CCNY: variants seen among roughly 807,000 people sequenced by gnomAD.
The protein encoded by CCNY is cyclin-Y.
CCNY carries 19 observed loss-of-function variants against 42.8 expected under a neutral mutation model. The observed-to-expected ratio is 0.44, with a 90% CI of 0.31 to 0.65. The LOEUF (loss-of-function observed/expected upper bound fraction) is 0.65. Ranked by LOEUF, CCNY falls within the 30% of genes least tolerant of loss-of-function variation. The probability of loss-of-function intolerance (pLI) is 0.07; values close to 1 mark genes in which losing one functional copy is unlikely to be tolerated. For synonymous variants in CCNY, 165 were observed against 162.7 expected (o/e 1.01, Z -0.11); for missense variants, 370 against 437.3 (o/e 0.85, Z 1.37).
In CCNY at chr10:35,391,759, G is replaced by T. The variant is rs80029511; in HGVS notation, c.154+54552G>T. On this transcript the variant is annotated intron_variant, in intron 1 of 9. Coordinates refer to ENST00000374704, the MANE Select transcript of CCNY (RefSeq NM_145012.6). ...GAGCCTGGGATCAAGCAGGTTCTCA[G>T]TCAGTGGTAGACATAACTGTCACTT... is the stretch of plus-strand genomic sequence containing the variant. 1.2e-4 allele frequency among the ~76,000 whole-genome samples: 18 copies of T among 152,300 alleles called. No individual in the cohort carries two copies. The East Asian group carries it at 3.1e-3, about 26-fold the overall frequency.
intron 1 of CCNY, among the ~76,000 whole-genome samples, chr10:35,456,611 G>T (rs993964666): frequency 1.3e-5 from 2 of 152,108 alleles, no homozygotes; most frequent in Admixed American, 6.5e-5. Flanking sequence ...CTTGATAGTG[G>T]CATCTCAAAT....
intron 7 of CCNY, among the ~76,000 whole-genome samples, chr10:35,548,512 G>A (rs1473111492): frequency 6.6e-6 from 1 of 151,964 alleles, no homozygotes; most frequent in Non-Finnish European, 1.5e-5. Flanking sequence ...TGGCCAGGAT[G>A]GTCTCGATCT....
rs1172890392 is a variant in CCNY at position 35,352,590 on chromosome 10, C to T, written c.154+15383C>T. ...AGTAGGTCAACAACCATTGGTCAGT[C>T]CAAGTTCTGCCGTCCAGCCTCCCTG... On this transcript the variant is annotated intron_variant, in intron 1 of 9. Transcript: ENST00000374704. Among the ~76,000 whole-genome samples the T allele has an allele frequency of 3.3e-5, 5 of 152,206 alleles. No individual in the cohort carries two copies. In the East Asian group the frequency reaches 9.6e-4, roughly 29 times the overall value.
At chr10:35,430,827 A>G (rs1002246663) in intron 1 of CCNY, among the ~76,000 whole-genome samples, 3 of 152,136 alleles carry the variant, frequency 2.0e-5, no homozygotes, top group Admixed American at 1.3e-4. Context: ...AAAATTTAAT[A>G]CGGCTTGGCG....
intron 3 of CCNY, among the ~76,000 whole-genome samples, chr10:35,299,818 T>C (rs1202757536): frequency 6.6e-6 from 1 of 152,248 alleles, no homozygotes; most frequent in African/African-American, 2.4e-5. Context: ...TTATACCATA[T>C]GTTTTTATTT....
chr10:35,490,576 G>A (rs1839876024), intron 2 of CCNY, among the ~76,000 whole-genome samples: 1 of 152,208 alleles, frequency 6.6e-6, no homozygotes, highest in Non-Finnish European at 1.5e-5. Flanking sequence ...TTGCTTGGGG[G>A]TCTAACGCCT....
intron 1 of CCNY, among the ~76,000 whole-genome samples, chr10:35,482,666 G>C (rs1000005399): frequency 2.0e-5 from 3 of 151,898 alleles, no homozygotes; most frequent in African/African-American, 7.3e-5. Context: ...GGTCACAGCT[G>C]CTTGGCTTCA....
chr10:35,443,883 A>G (rs1465863721), intron 1 of CCNY, among the ~76,000 whole-genome samples: 2 of 151,876 alleles, frequency 1.3e-5, no homozygotes, highest in Non-Finnish European at 2.9e-5. Context: ...CTCTTTTGGG[A>G]TGTTCTAAGT....
Position 35,557,902 on chromosome 10 carries a change from A to G in CCNY, c.746+4717A>G, listed in dbSNP as rs148687200. On this transcript the variant is annotated intron_variant, in intron 8 of 9. Transcript: ENST00000374704. Reference sequence around the variant, plus strand: ...GATTATTGAAACCAGGCTGAGCATCAGTTTTATTCCCCTTTCTCTTCTTTT... The same window carrying G: ...GATTATTGAAACCAGGCTGAGCATCGGTTTTATTCCCCTTTCTCTTCTTTT... Among the ~76,000 whole-genome samples the G allele has an allele frequency of 4.9e-4, 74 of 152,314 alleles. No individual in the cohort carries two copies. The East Asian group carries it at 0.011, about 23-fold the overall frequency.
chr10:35,412,719 G>C (rs979181308), intron 1 of CCNY, among the ~76,000 whole-genome samples: 1 of 151,332 alleles, frequency 6.6e-6, no homozygotes, highest in Non-Finnish European at 1.5e-5. Context: ...AAATTAGCTG[G>C]GTGTGGCAGC....
chr10:35,317,672 C>T (rs182202535), intron 3 of CCNY, among the ~76,000 whole-genome samples: 4 of 152,324 alleles, frequency 2.6e-5, no homozygotes, highest in Non-Finnish European at 5.9e-5. Flanking sequence ...TTCATAAATC[C>T]TGGCCAGCTG....
At chr10:35,353,061 G>T (rs1361612825) in intron 1 of CCNY, among the ~76,000 whole-genome samples, 1 of 152,108 alleles carries the variant, frequency 6.6e-6, no homozygotes, top group African/African-American at 2.4e-5. Context: ...GAGTAGCTGG[G>T]ACCACAAGTG....
chr10:35,467,501 A>T (rs575163953), intron 1 of CCNY, among the ~76,000 whole-genome samples: 1 of 152,370 alleles, frequency 6.6e-6, no homozygotes, highest in East Asian at 1.9e-4. Context: ...TATTGCTGGG[A>T]TAAAGGAATG....
intron 7 of CCNY, among the ~76,000 whole-genome samples, chr10:35,539,534 A>G (rs1456074089): frequency 2.0e-5 from 3 of 152,190 alleles, no homozygotes; most frequent in African/African-American, 7.2e-5. Flanking sequence ...CACGCCTGTA[A>G]TCCCAGCAGT....
intron 1 of CCNY, among the ~76,000 whole-genome samples, chr10:35,373,848 T>G (rs1457264353): frequency 6.6e-6 from 1 of 152,180 alleles, no homozygotes; most frequent in Non-Finnish European, 1.5e-5. Context: ...GAGTCAAAAG[T>G]TACACACAGA....
chr10:35,420,750 A>G (rs534603893), intron 1 of CCNY, among the ~76,000 whole-genome samples: 18 of 152,350 alleles, frequency 1.2e-4, no homozygotes, highest in Admixed American at 3.3e-4. Context: ...CCGCAAAAAC[A>G]GATGCTTTCT....
chr10:35,315,677 T>C (rs749802884), intron 3 of CCNY, among the ~76,000 whole-genome samples: 35 of 152,324 alleles, frequency 2.3e-4, no homozygotes, highest in Non-Finnish European at 4.3e-4. Context: ...CTTTGAGGAA[T>C]TGCCACAGTG....
At chr10:35,406,845 G>A (rs1837786557) in intron 1 of CCNY, among the ~76,000 whole-genome samples, 1 of 151,930 alleles carries the variant, frequency 6.6e-6, no homozygotes, top group African/African-American at 2.4e-5. Flanking sequence ...TGGGGCGGCT[G>A]GCCGGGCGGG....
rs542974388 is a variant in CCNY, at chr10:35,443,937, A to G, written c.155-39467A>G. Among the ~76,000 whole-genome samples the G allele has an allele frequency of 3.9e-5, 6 of 152,316 alleles. No homozygotes were observed. The South Asian group carries it at 1.2e-3, about 32-fold the overall frequency. On this transcript the variant is annotated intron_variant, in intron 1 of 9. Coordinates refer to ENST00000374704, the MANE Select transcript of CCNY (RefSeq NM_145012.6). ...AGTACAGAATGTGAGGTCCCATTCC[A>G]GCCAATGGAAACTGGACACAGCCAT...
Sources: allele counts gnomAD v4.1 joint callset (sites outside exome capture counted in the v4.1 genomes callset), GRCh38; gene constraint gnomAD v4.1.1; transcripts MANE v1.5; gene names NCBI Gene and HGNC (gene_info 2026-07-23, HGNC 2026-07-21).